The following PLB1 variants were observed in gnomAD, a reference collection of about 807,000 sequenced individuals.
The protein encoded by PLB1 is phospholipase B1.
Under a neutral mutation model 227.4 loss-of-function variants are expected in PLB1, and 242 were observed. That is an observed-to-expected ratio of 1.06 (90% confidence interval 0.96 to 1.18). The LOEUF (loss-of-function observed/expected upper bound fraction) is 1.18. Ranked by LOEUF, PLB1 falls within the 50% of genes most tolerant of loss-of-function variation. The probability of loss-of-function intolerance (pLI) is 0.00; values close to 1 mark genes in which losing one functional copy is unlikely to be tolerated. For missense variants in PLB1, 1,858 were observed against 1,816.3 expected, an observed-to-expected ratio of 1.02 and a Z score of -0.42; for synonymous variants, 757 against 682.2, an observed-to-expected ratio of 1.11 and a Z score of -1.71.
intron 8 of PLB1, among the ~76,000 whole-genome samples, chr2:28,530,843 C>T (rs1670920779): frequency 6.6e-6 from 1 of 152,252 alleles, no homozygotes; most frequent in Admixed American, 6.5e-5. Flanking sequence ...GCAGGAGCTA[C>T]ACCATAAAGT....
At chr2:28,605,992 A>G (rs747009283) in intron 42 of PLB1, 44 bp downstream of exon 42, 3 of 1,481,560 alleles carry the variant, frequency 2.0e-6, no homozygotes, top group South Asian at 1.1e-5. Flanking sequence ...GTTCTAGTCT[A>G]GGGCAGGGCA....
At chr2:28,583,764 G>A (rs1054487581) in intron 25 of PLB1, among the ~76,000 whole-genome samples, 2 of 151,904 alleles carry the variant, frequency 1.3e-5, no homozygotes, top group African/African-American at 2.4e-5. Context: ...TAAGACCTGC[G>A]TGCATTACTC....
chr2:28,522,849 G>A (rs1409343478), intron 4 of PLB1, among the ~76,000 whole-genome samples: 10 of 152,142 alleles, frequency 6.6e-5, no homozygotes, highest in East Asian at 1.9e-4. Flanking sequence ...GCCTTCTTCC[G>A]CTGTCTGTCC....
intron 4 of PLB1, among the ~76,000 whole-genome samples, chr2:28,522,872 G>T (rs1050689530): frequency 6.6e-6 from 1 of 152,128 alleles, no homozygotes; most frequent in Non-Finnish European, 1.5e-5. Flanking sequence ...AGAGAGAGAG[G>T]GCCATCATGA....
intron 46 of PLB1, 56 bp downstream of exon 46, chr2:28,618,455 G>A (rs1415211512): frequency 1.2e-5 from 19 of 1,549,770 alleles, no homozygotes; most frequent in Admixed American, 5.0e-5. Flanking sequence ...CAGGCCCTGC[G>A]CAGAATCTGT....
At chr2:28,625,731 C>T (rs1344827920) in intron 50 of PLB1, among the ~76,000 whole-genome samples, 9 of 152,194 alleles carry the variant, frequency 5.9e-5, no homozygotes, top group African/African-American at 2.2e-4. Flanking sequence ...GCATCCTTTG[C>T]CTACAGCTCC....
rs61755881 is a variant in PLB1, at chr2:28,598,718, C to G, written c.2432C>G (p.Thr811Arg). ...YAVGTGDAND[T>R]NAFLNQAVPG... ...GTGGGCACGGGTGATGCCAATGACACGAATGCATTCCTCAATCAAGCTGTT... is the reference window on the plus strand; with the variant it reads ...GTGGGCACGGGTGATGCCAATGACAGGAATGCATTCCTCAATCAAGCTGTT... Residue 811 changes from threonine (T) to arginine (R), a missense_variant, in exon 35 of 58, where the codon ACG becomes AGG. Thr to Arg is a moderately conservative substitution (Grantham distance 71). Transcript: ENST00000327757. The G allele has an allele frequency of 9.3e-6, 15 of 1,614,204 alleles. No homozygotes were observed. Among genetic ancestry groups the G allele is most frequent in the Non-Finnish European group, 1.3e-5 (15 of 1,180,020 alleles).
intron 52 of PLB1, 132 bp downstream of exon 52, chr2:28,628,760 A>T (rs1161879858): frequency 2.2e-6 from 2 of 900,274 alleles, no homozygotes; most frequent in Admixed American, 2.0e-5. Flanking sequence ...GCAGGGAGGG[A>T]GGTGGCTGTC....
chr2:28,625,174 C>A, intron 50 of PLB1, 66 bp downstream of exon 50: 1 of 1,448,742 alleles, frequency 6.9e-7, no homozygotes, highest in Non-Finnish European at 9.7e-7. Flanking sequence ...GAGGGGACAG[C>A]CCCATAAGGG....
At chr2:28,617,692 T>C in intron 44 of PLB1, 35 bp from the exon 45 acceptor site, 1 of 1,601,080 alleles carries the variant, frequency 6.2e-7, no homozygotes, top group Non-Finnish European at 8.6e-7. Flanking sequence ...GCACAATGAG[T>C]GTTGGGCACT....
rs368584054 is a variant in PLB1, at chr2:28,496,092, C to T, written c.-23C>T. The T allele has an allele frequency of 1.0e-4, 165 of 1,613,106 alleles. No homozygotes were observed. Among genetic ancestry groups the T allele is most frequent in the South Asian group, 3.3e-4 (30 of 91,056 alleles). ...TGCTGGAGCAGCTCTTCCAGAGGCC[C>T]GAGTCACCTGGAGCATTCTGGCATG... On this transcript the variant is annotated 5_prime_UTR_variant, in exon 1 of 58. Transcript: ENST00000327757.
chr2:28,638,186 G>A (rs1329776454), intron 56 of PLB1, among the ~76,000 whole-genome samples: 1 of 151,904 alleles, frequency 6.6e-6, no homozygotes, highest in Non-Finnish European at 1.5e-5. Context: ...GACCACATCT[G>A]TGGTTTAAGA....
At chr2:28,601,447 T>C in intron 37 of PLB1, 115 bp downstream of exon 37, 1 of 761,498 alleles carries the variant, frequency 1.3e-6, no homozygotes, top group South Asian at 1.5e-5. Flanking sequence ...CACCTACACC[T>C]ATGTCTGCAC....
At chr2:28,605,684 G>A (rs1684572514) in intron 41 of PLB1, among the ~76,000 whole-genome samples, 169 bp from the exon 42 acceptor site, 1 of 152,170 alleles carries the variant, frequency 6.6e-6, no homozygotes. Flanking sequence ...TATTCTTTGT[G>A]GGATCGCTCT....
chr2:28,539,180 T>TAA lies in PLB1; in HGVS notation c.698+5_698+6dup, dbSNP rs1362255024. ...TCAGTATCACGGCACTTGGCTCAGG[T>TAA]AAAAGGGGAAGTGGAATGAGACACG... On this transcript the variant is annotated splice_region_variant and intron_variant, in intron 11 of 57. Coordinates refer to ENST00000327757, the MANE Select transcript of PLB1 (RefSeq NM_153021.5). 1 of 1,611,216 alleles carries TAA rather than the reference T, an allele frequency of 6.2e-7. No homozygotes were observed. The highest frequency in any genetic ancestry group is 2.2e-5 in the East Asian group (1 of 44,858).
Position 28,643,159 on chromosome 2 carries a change from T to C in PLB1, c.*98T>C. The C allele has an allele frequency of 6.4e-6, 8 of 1,242,262 alleles. No homozygotes were observed. The highest frequency in any genetic ancestry group is 8.8e-6 in the Non-Finnish European group (8 of 912,428). The allele number at this position is 1,242,262 out of a possible 1,614,324, so 77.0% of individuals were successfully genotyped here. A position where few individuals can be genotyped will look rare whatever the true frequency, so the allele number is the denominator to read the frequency against. On this transcript the variant is annotated 3_prime_UTR_variant, in exon 58 of 58. Coordinates refer to ENST00000327757, the MANE Select transcript of PLB1 (RefSeq NM_153021.5). ...GGCCACCAGGACATGCTTCAATGCC[T>C]GGTGCCATAGGAAGCCCAGGGGACA...
chr2:28,550,176 T>C (rs1674000895), intron 16 of PLB1, 92 bp downstream of exon 16: 2 of 1,046,396 alleles, frequency 1.9e-6, no homozygotes, highest in Non-Finnish European at 1.4e-6. Context: ...CGTGGTTTTT[T>C]TTTTTTTTTC....
intron 33 of PLB1, among the ~76,000 whole-genome samples, chr2:28,597,075 A>G (rs942995348): frequency 3.9e-5 from 6 of 152,192 alleles, no homozygotes; most frequent in Admixed American, 2.6e-4. Flanking sequence ...CATCCTGGCT[A>G]ACACGGTGGA....
intron 20 of PLB1, among the ~76,000 whole-genome samples, chr2:28,569,968 A>AC (rs1402723824): frequency 1.1e-5 from 1 of 87,482 alleles, no homozygotes; most frequent in Non-Finnish European, 3.6e-5. Context: ...TCCATCTCAA[A>AC]AAAAAAAAAA....
Sources: allele counts gnomAD v4.1 joint callset (sites outside exome capture counted in the v4.1 genomes callset), GRCh38; gene constraint gnomAD v4.1.1; transcripts MANE v1.5; gene names NCBI Gene and HGNC (gene_info 2026-07-23, HGNC 2026-07-21).